Variants in LANCL3 observed in about 807,000 individuals in gnomAD.
The protein encoded by LANCL3 is LanC like family member 3.
In LANCL3, 19 loss-of-function variants were observed where a neutral mutation model predicts 26.5. The ratio of observed to expected loss-of-function variants is 0.72; its 90% CI spans 0.50 to 1.05. The LOEUF (loss-of-function observed/expected upper bound fraction) is 1.05, where lower values mean the gene tolerates loss of function less well. Ranked by LOEUF, LANCL3 falls within the 50% of genes least tolerant of loss-of-function variation. LANCL3 has a pLI of 0.00. For synonymous variants in LANCL3, 160 were observed against 166.6 expected (o/e 0.96, Z 0.30); for missense variants, 318 against 362.7 (o/e 0.88, Z 1.00).
intron 1 of LANCL3, among the ~76,000 whole-genome samples, chrX:37,598,468 A>G (rs1244063169): frequency 1.8e-5 from 2 of 111,978 alleles, no homozygotes; most frequent in Non-Finnish European, 3.8e-5. Context: ...TATCTAGTCA[A>G]TTATAGTAAT....
chrX:37,606,386 C>T (rs1213794087), intron 1 of LANCL3, among the ~76,000 whole-genome samples: 1 of 111,963 alleles, frequency 8.9e-6, no homozygotes, highest in Non-Finnish European at 1.9e-5. Flanking sequence ...TGGGAATGGT[C>T]GTCCCAAAAT....
Position 37,580,039 on chromosome X carries a change from C to T in LANCL3, c.573+7596C>T, listed in dbSNP as rs113826256. On this transcript the variant is annotated intron_variant, in intron 1 of 4. Coordinates refer to ENST00000378619, the MANE Select transcript of LANCL3 (RefSeq NM_001170331.2). Reference sequence around the variant, plus strand: ...CTTTCAACTTTTACCAAACAAAATGCATGTGTAGGATTTCATTCAGTCTTT... The same window carrying T: ...CTTTCAACTTTTACCAAACAAAATGTATGTGTAGGATTTCATTCAGTCTTT... Among the ~76,000 whole-genome samples the T allele has an allele frequency of 7.2e-3, 805 of 111,768 alleles. 10 individuals are homozygous for T. Among genetic ancestry groups the T allele is most frequent in the African/African-American group, 0.025 (757 of 30,778 alleles).
chrX:37,632,719 G>A (rs1170733530), intron 1 of LANCL3, among the ~76,000 whole-genome samples: 3 of 110,756 alleles, frequency 2.7e-5, no homozygotes, highest in African/African-American at 9.9e-5. Flanking sequence ...ATGAAGCTTA[G>A]TTTGGCTGGA....
chrX:37,602,386 T>C (rs1556420102), intron 1 of LANCL3, among the ~76,000 whole-genome samples: 1 of 111,900 alleles, frequency 8.9e-6, no homozygotes, highest in African/African-American at 3.2e-5. Flanking sequence ...GAAAACTCTG[T>C]ACCATTAATT....
intron 3 of LANCL3, 40 bp downstream of exon 3, chrX:37,659,699 C>G: frequency 8.9e-7 from 1 of 1,122,466 alleles, no homozygotes; most frequent in Non-Finnish European, 1.2e-6. Context: ...TGCCTTTCAT[C>G]TAGGTTAGCC....
intron 2 of LANCL3, 51 bp downstream of exon 2, chrX:37,655,862 T>A: frequency 9.0e-7 from 1 of 1,111,740 alleles, no homozygotes. Flanking sequence ...GTCTCTAAGA[T>A]ACTACCAAAT....
At chrX:37,628,402 G>A (rs1251587291) in intron 1 of LANCL3, among the ~76,000 whole-genome samples, 2 of 110,985 alleles carry the variant, frequency 1.8e-5, no homozygotes, top group Admixed American at 9.5e-5. Context: ...AGTATAAAGG[G>A]AAGTGACAAT....
intron 1 of LANCL3, 96 bp downstream of exon 1, chrX:37,572,539 C>G: frequency 1.4e-6 from 1 of 738,673 alleles, no homozygotes; most frequent in East Asian, 3.5e-5. Context: ...CCGAGTTGCT[C>G]TCCAAGTCTT....
At chrX:37,573,765 A>G (rs782347954) in intron 1 of LANCL3, among the ~76,000 whole-genome samples, 2 of 110,019 alleles carry the variant, frequency 1.8e-5, no homozygotes, top group East Asian at 5.7e-4. Context: ...TTTTTTTTCC[A>G]ATTGTTTTCC....
At chrX:37,611,929 A>ATTATT (rs782752534) in intron 1 of LANCL3, among the ~76,000 whole-genome samples, 132 of 110,363 alleles carry the variant, frequency 1.2e-3, no homozygotes, top group African/African-American at 1.7e-3. Context: ...ATTTTATTTT[A>ATTATT]TTATTTTATT....
At chrX:37,602,549 T>A in intron 1 of LANCL3, among the ~76,000 whole-genome samples, 1 of 111,987 alleles carries the variant, frequency 8.9e-6, no homozygotes, top group Non-Finnish European at 1.9e-5. Context: ...ATTATTTGAA[T>A]AATAAATATT....
chrX:37,654,579 G>A (rs1926237041), intron 1 of LANCL3, among the ~76,000 whole-genome samples: 1 of 112,217 alleles, frequency 8.9e-6, no homozygotes, highest in African/African-American at 3.2e-5. Flanking sequence ...ATCCAGAACA[G>A]TCTTGCCTGG....
At chrX:37,626,653 C>CT (rs1556423088) in intron 1 of LANCL3, among the ~76,000 whole-genome samples, 1 of 111,293 alleles carries the variant, frequency 9.0e-6, no homozygotes, top group African/African-American at 3.3e-5. Context: ...AAAATGGTAT[C>CT]TTTTTTTTCC....
At chrX:37,578,171 C>T (rs782762005) in intron 1 of LANCL3, among the ~76,000 whole-genome samples, 15 of 112,154 alleles carry the variant, frequency 1.3e-4, no homozygotes, top group African/African-American at 4.9e-4. Flanking sequence ...GCTTTTTTTC[C>T]CCCTGCATCT....
Position 37,621,909 on chromosome X carries a change from C to T in LANCL3, c.574-33779C>T, listed in dbSNP as rs17144425. On this transcript the variant is annotated intron_variant, in intron 1 of 4. Coordinates refer to ENST00000378619, the MANE Select transcript of LANCL3 (RefSeq NM_001170331.2). ...GCCAAATTGCCTCCTGTCAGCATCC[C>T]TCATACACCTCTCCCTGGTGCCGCG... Among the ~76,000 whole-genome samples, 337 of 111,601 alleles carry T rather than the reference C, an allele frequency of 3.0e-3. 1 individual carries two copies. Among genetic ancestry groups the T allele is most frequent in the African/African-American group, 0.011 (327 of 30,703 alleles).
intron 1 of LANCL3, among the ~76,000 whole-genome samples, chrX:37,607,220 T>C (rs1445926958): frequency 3.6e-5 from 4 of 112,655 alleles, no homozygotes; most frequent in Non-Finnish European, 5.6e-5. Flanking sequence ...TTCTTCTCTT[T>C]CTACTTCCTG....
chrX:37,655,733 G>T lies in LANCL3; in HGVS notation c.619G>T (p.Asp207Tyr). 1 of 1,203,563 alleles carries T rather than the reference G, an allele frequency of 8.3e-7. No individual in the cohort carries two copies. The highest frequency in any genetic ancestry group is 1.1e-6 in the Non-Finnish European group (1 of 888,746). The part of the protein sequence containing the change: ...QIKSICQAIL[D>Y]SGKQYAIKKR... ...CAAGTCAATTTGTCAGGCAATTCTG[G>T]ACTCTGGGAAGCAGTATGCCATAAA... is the stretch of plus-strand genomic sequence containing the variant. Residue 207 changes from aspartate to tyrosine, a missense_variant, in exon 2 of 5, where the codon GAC (aspartate) becomes TAC (tyrosine). By Grantham distance (160) the Asp-to-Tyr change is radical (BLOSUM62 -3). Coordinates refer to ENST00000378619, the MANE Select transcript of LANCL3 (RefSeq NM_001170331.2).
chrX:37,609,584 C>G (rs1033297003), intron 1 of LANCL3, among the ~76,000 whole-genome samples: 3 of 111,224 alleles, frequency 2.7e-5, no homozygotes, highest in African/African-American at 6.5e-5. Context: ...TTAAGTTTAC[C>G]CAAAGTACCT....
intron 1 of LANCL3, among the ~76,000 whole-genome samples, chrX:37,608,908 A>G (rs1380601538): frequency 2.7e-5 from 3 of 112,321 alleles, no homozygotes; most frequent in African/African-American, 9.7e-5. Context: ...TGTCTGGGCC[A>G]GTTAACAAAT....
Sources: allele counts gnomAD v4.1 joint callset (sites outside exome capture counted in the v4.1 genomes callset), GRCh38; gene constraint gnomAD v4.1.1; transcripts MANE v1.5; gene names NCBI Gene and HGNC (gene_info 2026-07-23, HGNC 2026-07-21).